Variants in AMD1 observed in about 807,000 individuals in gnomAD.
The protein encoded by AMD1 is S-adenosylmethionine decarboxylase proenzyme.
AMD1 carries 11 observed loss-of-function variants against 40.2 expected under a neutral mutation model. That is an observed-to-expected ratio of 0.27 (90% CI 0.17 to 0.45). AMD1 has a LOEUF of 0.45. AMD1 is among the 20% of genes least tolerant of loss of function. The pLI is 1.00. For synonymous variants in AMD1, 121 were observed against 130.8 expected (o/e 0.93, Z 0.51); for missense variants, 257 against 410.2 (o/e 0.63, Z 3.23).
chr6:110,858,931 T>G, the AMD1 span: 1 of 960,550 alleles, frequency 1.0e-6, no homozygotes, highest in Non-Finnish European at 1.7e-6. Flanking sequence ...GACACCAAGC[T>G]GGGAACCGAC....
At chr6:110,826,100 G>A in the AMD1 span, among the ~76,000 whole-genome samples, 6 of 150,272 alleles carry the variant, frequency 4.0e-5, no homozygotes, top group African/African-American at 4.9e-5. Flanking sequence ...CTAGGAGTTC[G>A]AGGCTGCAGG....
Position 110,887,080 on chromosome 6 carries a change from C to A in AMD1, c.111-425C>A, listed in dbSNP as rs116777656. Reference sequence around the variant, plus strand: ...AGTAACATCACTCACTGTGTCCCGACAGACAGGCTTTTAAATTTCTATGCC... The same window carrying A: ...AGTAACATCACTCACTGTGTCCCGAAAGACAGGCTTTTAAATTTCTATGCC... On this transcript the variant is annotated intron_variant, in intron 1 of 8. Transcript: ENST00000368885. Among the ~76,000 whole-genome samples the A allele has an allele frequency of 7.6e-3, 1,161 of 152,228 alleles. 23 individuals are homozygous for A. The highest frequency in any genetic ancestry group is 0.027 in the African/African-American group (1,109 of 41,538).
At chr6:110,887,369 T>G in intron 1 of AMD1, 136 bp from the exon 2 acceptor site, 1 of 554,830 alleles carries the variant, frequency 1.8e-6, no homozygotes, top group Non-Finnish European at 3.1e-6. Context: ...TATAGATTAT[T>G]TTGAAAGAAA....
intron 2 of AMD1, 140 bp from the exon 3 acceptor site, chr6:110,888,717 G>T: frequency 1.3e-6 from 1 of 779,834 alleles, no homozygotes; most frequent in Non-Finnish European, 2.0e-6. Flanking sequence ...AAAAGGAAAA[G>T]AATAATGTGT....
At chr6:110,865,792 T>G in the AMD1 span, among the ~76,000 whole-genome samples, 3 of 152,080 alleles carry the variant, frequency 2.0e-5, no homozygotes, top group South Asian at 6.2e-4. Context: ...AGATAGAGTC[T>G]CACTCTGTTG....
chr6:110,848,249 C>T, the AMD1 span, among the ~76,000 whole-genome samples: 2 of 151,772 alleles, frequency 1.3e-5, no homozygotes, highest in East Asian at 1.9e-4. Flanking sequence ...CAGCTGGGCT[C>T]GGTGGCTCAT....
intron 1 of AMD1, among the ~76,000 whole-genome samples, chr6:110,878,148 T>C (rs1394216594): frequency 6.6e-6 from 1 of 152,152 alleles, no homozygotes; most frequent in East Asian, 1.9e-4. Context: ...GGAGAAAATA[T>C]CCAACTTTTT....
the AMD1 span, among the ~76,000 whole-genome samples, chr6:110,833,519 AT>A: frequency 6.6e-6 from 1 of 152,244 alleles, no homozygotes; most frequent in Admixed American, 6.5e-5. Context: ...CCTATTAAAT[AT>A]TCTCAGGAAT....
chr6:110,892,226 G>C lies in AMD1; in HGVS notation c.470+23G>C, dbSNP rs780383279. ...TTGGTATGTTTAATGCAATTTTGTG[G>C]ATTTTTGTTGTCCTATGTAAGATTT... is the stretch of plus-strand genomic sequence containing the variant. On this transcript the variant is annotated intron_variant, in intron 5 of 8. Coordinates refer to ENST00000368885, the MANE Select transcript of AMD1 (RefSeq NM_001634.6). The C allele has an allele frequency of 1.3e-5, 21 of 1,613,604 alleles. No homozygotes were observed. In the African/African-American group the frequency reaches 2.3e-4, roughly 17 times the overall value.
At chr6:110,829,706 C>T in the AMD1 span, among the ~76,000 whole-genome samples, 4 of 151,404 alleles carry the variant, frequency 2.6e-5, no homozygotes, top group Admixed American at 1.3e-4. Flanking sequence ...ATTAACCAGG[C>T]ATGGTGGCAC....
chr6:110,827,633 G>A, the AMD1 span, among the ~76,000 whole-genome samples: 58 of 152,000 alleles, frequency 3.8e-4, no homozygotes, highest in African/African-American at 1.3e-3. Flanking sequence ...GGCGTGGTGG[G>A]GGGCACCTGT....
chr6:110,884,354 T>A (rs1326002852), intron 1 of AMD1, among the ~76,000 whole-genome samples: 1 of 152,158 alleles, frequency 6.6e-6, no homozygotes, highest in East Asian at 1.9e-4. Flanking sequence ...AATCTTAACA[T>A]CTCAAAGGAA....
chr6:110,861,304 G>A, the AMD1 span, among the ~76,000 whole-genome samples: 2,453 of 151,028 alleles, frequency 0.016, 20 homozygotes, highest in Middle Eastern at 0.048. Flanking sequence ...CTTGCAGTGA[G>A]CCGAGATCAT....
At chr6:110,869,532 A>G in the AMD1 span, among the ~76,000 whole-genome samples, 2 of 145,540 alleles carry the variant, frequency 1.4e-5, no homozygotes, top group Admixed American at 6.9e-5. Flanking sequence ...TTTTGGACAC[A>G]GAGTTTCACT....
chr6:110,892,725 C>T lies in AMD1; in HGVS notation c.616-10C>T. 1.4e-6 allele frequency: 2 copies of T among 1,454,992 alleles called. No individual in the cohort carries two copies. The highest frequency in any genetic ancestry group is 1.8e-6 in the Non-Finnish European group (2 of 1,102,574). 90.1% of individuals were successfully genotyped at this position (1,454,992 alleles called of 1,614,324 possible). ...AACCCTTGTTAAACTCGGTCTTTTTCCCCCCCCAGGAGAGTGGAATTCGTG... is the reference window on the plus strand; with the variant it reads ...AACCCTTGTTAAACTCGGTCTTTTTTCCCCCCCAGGAGAGTGGAATTCGTG... On this transcript the variant is annotated splice_polypyrimidine_tract_variant and intron_variant, in intron 6 of 8. Transcript: ENST00000368885.
chr6:110,869,401 G>T, the AMD1 span, among the ~76,000 whole-genome samples: 3 of 152,100 alleles, frequency 2.0e-5, no homozygotes, highest in Admixed American at 1.3e-4. Flanking sequence ...CAAAGTGCTG[G>T]GATTACAGGC....
At chr6:110,814,987 C>T in the AMD1 span, 3 of 1,600,782 alleles carry the variant, frequency 1.9e-6, no homozygotes, top group Non-Finnish European at 2.6e-6. Context: ...AGCGAGCCTA[C>T]TCCTCCCGCC....
chr6:110,892,347 A>G lies in AMD1; in HGVS notation c.519A>G (p.Pro173=). 1 of 1,613,464 alleles carries G rather than the reference A, an allele frequency of 6.2e-7. No homozygotes were observed. Among genetic ancestry groups the G allele is most frequent in the Non-Finnish European group, 8.5e-7 (1 of 1,180,044 alleles). Residue 173 remains proline (P), a synonymous_variant, in exon 6 of 9, where the codon CCA becomes CCG. Transcript: ENST00000368885. The part of the protein sequence containing the change: ...DFPESRVISQ[P]DQTLEILMSE... ...CAGAGAGTCGGGTAATCAGTCAGCC[A>G]GATCAAACCTTGGAAATTCTGATGA...
chr6:110,836,924 A>C, the AMD1 span, among the ~76,000 whole-genome samples: 2 of 151,902 alleles, frequency 1.3e-5, no homozygotes, highest in African/African-American at 4.8e-5. Flanking sequence ...GAGGCTGAGA[A>C]GGGAACATGG....
Sources: allele counts gnomAD v4.1 joint callset (sites outside exome capture counted in the v4.1 genomes callset), GRCh38; gene constraint gnomAD v4.1.1; transcripts MANE v1.5; gene names NCBI Gene and HGNC (gene_info 2026-07-23, HGNC 2026-07-21).